DLG2: variants seen among roughly 807,000 people sequenced by gnomAD.
DLG2 encodes discs large MAGUK scaffold protein 2.
In DLG2, 45 loss-of-function variants were observed where a neutral mutation model predicts 132.5. That is an observed-to-expected ratio of 0.34 (90% CI 0.27 to 0.44). The LOEUF (loss-of-function observed/expected upper bound fraction) is 0.44. DLG2 is among the 20% of genes least tolerant of loss of function. DLG2 has a pLI of 1.00. For missense variants in DLG2, 1,045 were observed against 1,196.9 expected, an observed-to-expected ratio of 0.87 and a Z score of 1.87; for synonymous variants, 424 against 419.6, an observed-to-expected ratio of 1.01 and a Z score of -0.13.
intron 6 of DLG2, among the ~76,000 whole-genome samples, chr11:84,938,677 T>C (rs1196181609): frequency 6.6e-6 from 1 of 152,192 alleles, no homozygotes; most frequent in African/African-American, 2.4e-5. Context: ...AAAATGTATA[T>C]GGAACAATCC....
intron 6 of DLG2, among the ~76,000 whole-genome samples, chr11:84,629,997 C>A (rs2099628811): frequency 6.6e-6 from 1 of 152,160 alleles, no homozygotes; most frequent in African/African-American, 2.4e-5. Context: ...CCTCTCCAGG[C>A]AGTTGTTGAC....
At chr11:85,181,605 T>C (rs1177220180) in intron 4 of DLG2, among the ~76,000 whole-genome samples, 1 of 151,782 alleles carries the variant, frequency 6.6e-6, no homozygotes, top group Admixed American at 6.6e-5. Flanking sequence ...ATAGTTGCAC[T>C]CACAAATAGG....
At chr11:83,760,173 C>T (rs1032574415) in intron 18 of DLG2, among the ~76,000 whole-genome samples, 1 of 152,176 alleles carries the variant, frequency 6.6e-6, no homozygotes, top group African/African-American at 2.4e-5. Flanking sequence ...CTGAAGTTCC[C>T]TTGACATGCT....
At chr11:84,655,088 T>C (rs1429820569) in intron 6 of DLG2, among the ~76,000 whole-genome samples, 1 of 152,152 alleles carries the variant, frequency 6.6e-6, no homozygotes, top group African/African-American at 2.4e-5. Flanking sequence ...ATTTTTTCCC[T>C]AGAAAAATGA....
chr11:83,921,521 T>C (rs952324465), intron 15 of DLG2, among the ~76,000 whole-genome samples: 1 of 152,176 alleles, frequency 6.6e-6, no homozygotes, highest in Non-Finnish European at 1.5e-5. Flanking sequence ...ACTTCTGGAA[T>C]AGCGCATAGC....
intron 19 of DLG2, among the ~76,000 whole-genome samples, chr11:83,619,176 G>A (rs1230876913): frequency 2.0e-5 from 3 of 152,124 alleles, no homozygotes; most frequent in South Asian, 2.1e-4. Flanking sequence ...CATCATCAAC[G>A]AATGCATCCC....
chr11:83,488,234 G>A (rs1291476402), intron 21 of DLG2, among the ~76,000 whole-genome samples: 2 of 151,822 alleles, frequency 1.3e-5, no homozygotes, highest in Non-Finnish European at 2.9e-5. Flanking sequence ...TCCAACCCTC[G>A]CAATCAATTA....
At chr11:84,000,620 T>G (rs979361746) in intron 11 of DLG2, among the ~76,000 whole-genome samples, 1 of 152,194 alleles carries the variant, frequency 6.6e-6, no homozygotes, top group African/African-American at 2.4e-5. Context: ...GCATCAAAAG[T>G]GTCTAGTCAC....
chr11:85,367,607 A>G (rs560428519), intron 3 of DLG2, among the ~76,000 whole-genome samples: 1 of 152,286 alleles, frequency 6.6e-6, no homozygotes, highest in South Asian at 2.1e-4. Context: ...TATGCTAATT[A>G]TGTGCATTTG....
intron 11 of DLG2, among the ~76,000 whole-genome samples, chr11:84,023,501 T>C (rs1257465927): frequency 6.6e-6 from 1 of 152,174 alleles, no homozygotes; most frequent in African/African-American, 2.4e-5. Context: ...TAGATTTACT[T>C]GGCTTCACAG....
intron 6 of DLG2, among the ~76,000 whole-genome samples, chr11:84,697,703 AT>A (rs1030079515): frequency 4.0e-5 from 6 of 151,436 alleles, no homozygotes; most frequent in Admixed American, 4.0e-4. Flanking sequence ...TTGAGCCTTT[AT>A]TTTTCCAAAA....
intron 15 of DLG2, among the ~76,000 whole-genome samples, chr11:83,923,095 T>C (rs1164212016): frequency 6.6e-6 from 1 of 152,100 alleles, no homozygotes; most frequent in Admixed American, 6.6e-5. Flanking sequence ...CTAAGAATGA[T>C]AGAAGGTCTC....
intron 3 of DLG2, among the ~76,000 whole-genome samples, chr11:85,591,342 T>C (rs2079317976): frequency 6.6e-6 from 1 of 152,224 alleles, no homozygotes; most frequent in African/African-American, 2.4e-5. Flanking sequence ...AGCATAAATA[T>C]CAAGGACATT....
chr11:85,159,123 C>G (rs943022219), intron 4 of DLG2, among the ~76,000 whole-genome samples: 7 of 152,152 alleles, frequency 4.6e-5, no homozygotes, highest in African/African-American at 1.7e-4. Context: ...AATGTTCAGA[C>G]AGTTCAGGGA....
intron 18 of DLG2, among the ~76,000 whole-genome samples, chr11:83,665,962 AG>A (rs1319521635): frequency 6.6e-6 from 1 of 152,266 alleles, no homozygotes; most frequent in East Asian, 1.9e-4. Context: ...AATTTTTCTC[AG>A]GCCCCCTCCA....
At chr11:84,346,139 T>A (rs1028280289) in intron 7 of DLG2, among the ~76,000 whole-genome samples, 2 of 152,016 alleles carry the variant, frequency 1.3e-5, no homozygotes, top group Non-Finnish European at 2.9e-5. Context: ...ATTACCAAGG[T>A]GAATTCCAAC....
chr11:85,369,228 G>T (rs1565388647), intron 3 of DLG2, among the ~76,000 whole-genome samples: 1 of 152,030 alleles, frequency 6.6e-6, no homozygotes, highest in Non-Finnish European at 1.5e-5. Flanking sequence ...CCTCCCCTCT[G>T]TGTGGAGGCT....
chr11:85,079,076 C>G (rs1458819807), intron 6 of DLG2, among the ~76,000 whole-genome samples: 1 of 151,894 alleles, frequency 6.6e-6, no homozygotes, highest in African/African-American at 2.4e-5. Flanking sequence ...CTTGTTCAGT[C>G]TGGAAAGGCA....
intron 8 of DLG2, among the ~76,000 whole-genome samples, chr11:84,202,939 CTAT>C (rs1442604901): frequency 6.6e-6 from 1 of 152,092 alleles, no homozygotes; most frequent in Admixed American, 6.5e-5. Flanking sequence ...GTCAGAATGG[CTAT>C]TATTTAAAAG....
Sources: gnomAD v4.1 joint callset for allele counts (sites outside exome capture counted in the v4.1 genomes callset) on GRCh38, gnomAD v4.1.1 for gene constraint, MANE v1.5 for transcripts, NCBI Gene and HGNC (gene_info 2026-07-23, HGNC 2026-07-21) for gene names.